Variants in RFC3 observed in about 807,000 individuals in gnomAD.
The protein encoded by RFC3 is replication factor C subunit 3.
Under a neutral mutation model 45.1 loss-of-function variants are expected in RFC3, and 41 were observed. The ratio of observed to expected loss-of-function variants is 0.91; its 90% CI spans 0.71 to 1.18. RFC3 has a LOEUF of 1.18. Ranked by LOEUF, RFC3 falls within the 50% of genes most tolerant of loss-of-function variation. RFC3 has a pLI of 0.00. For synonymous variants in RFC3, 149 were observed against 144.0 expected, an observed-to-expected ratio of 1.03 and a Z score of -0.25; for missense variants, 423 against 428.1, an observed-to-expected ratio of 0.99 and a Z score of 0.10.
At chr13:33,949,494 A>C (rs1201955015) in intron 8 of RFC3, among the ~76,000 whole-genome samples, 1 of 152,206 alleles carries the variant, frequency 6.6e-6, no homozygotes, top group East Asian at 1.9e-4. Flanking sequence ...ACAATAGTTT[A>C]TGTATTGGTT....
At chr13:33,949,120 T>A (rs555999121) in intron 8 of RFC3, among the ~76,000 whole-genome samples, 2 of 152,200 alleles carry the variant, frequency 1.3e-5, no homozygotes, top group African/African-American at 4.8e-5. Context: ...ACGTGTCAAG[T>A]GTGGGAACAG....
chr13:33,936,740 C>T (rs912300593), intron 8 of RFC3, among the ~76,000 whole-genome samples: 2 of 152,132 alleles, frequency 1.3e-5, no homozygotes, highest in African/African-American at 4.8e-5. Context: ...ATCTTGATCT[C>T]GGACTTCCTT....
At chr13:33,922,212 T>C (rs1456271151) in intron 8 of RFC3, among the ~76,000 whole-genome samples, 1 of 152,066 alleles carries the variant, frequency 6.6e-6, no homozygotes, top group Middle Eastern at 3.4e-3. Flanking sequence ...AGCAGCTTTA[T>C]TGGAACATAA....
chr13:33,826,507 T>A (rs1278395612), intron 4 of RFC3, among the ~76,000 whole-genome samples: 1 of 152,154 alleles, frequency 6.6e-6, no homozygotes, highest in African/African-American at 2.4e-5. Flanking sequence ...GATAAATTTT[T>A]CCTTTATTGC....
intron 8 of RFC3, among the ~76,000 whole-genome samples, chr13:33,894,390 TACCTC>T (rs1261235178): frequency 2.0e-5 from 3 of 152,194 alleles, no homozygotes; most frequent in Admixed American, 2.0e-4. Context: ...TTCCTGATCT[TACCTC>T]ACAGGAGACC....
intron 8 of RFC3, among the ~76,000 whole-genome samples, chr13:33,874,905 G>A (rs1394997403): frequency 2.6e-5 from 4 of 152,130 alleles, no homozygotes; most frequent in Non-Finnish European, 5.9e-5. Context: ...ACTAACCATG[G>A]GAAACATTGA....
intron 8 of RFC3, among the ~76,000 whole-genome samples, chr13:33,942,636 A>G (rs2082931854): frequency 6.6e-6 from 1 of 152,190 alleles, no homozygotes; most frequent in African/African-American, 2.4e-5. Context: ...TTATACCATA[A>G]TAAGTTTATA....
At chr13:33,927,570 A>G (rs1025978748) in intron 8 of RFC3, among the ~76,000 whole-genome samples, 2 of 152,108 alleles carry the variant, frequency 1.3e-5, no homozygotes, top group Non-Finnish European at 2.9e-5. Flanking sequence ...CTCATGTAGC[A>G]ATTAAGGCTT....
chr13:33,820,920 T>C (rs2139374867), intron 1 of RFC3, among the ~76,000 whole-genome samples: 1 of 148,234 alleles, frequency 6.7e-6, no homozygotes, highest in African/African-American at 2.4e-5. Flanking sequence ...TATTTATATA[T>C]ATATATATAT....
At chr13:33,887,428 G>A (rs1446925552) in intron 8 of RFC3, among the ~76,000 whole-genome samples, 2 of 152,048 alleles carry the variant, frequency 1.3e-5, no homozygotes, top group African/African-American at 2.4e-5. Flanking sequence ...CTGCATAAAT[G>A]TCTTCTTTTG....
At chr13:33,820,937 A>C (rs1033898226) in intron 1 of RFC3, among the ~76,000 whole-genome samples, 195 bp from the exon 2 acceptor site, 1 of 147,634 alleles carries the variant, frequency 6.8e-6, no homozygotes, top group African/African-American at 2.5e-5. Flanking sequence ...ATATATATAA[A>C]AGATACACAA....
intron 7 of RFC3, among the ~76,000 whole-genome samples, chr13:33,834,675 T>G (rs2082137081): frequency 6.6e-6 from 1 of 152,126 alleles, no homozygotes; most frequent in African/African-American, 2.4e-5. Flanking sequence ...TGTAATTGAC[T>G]TTTTAATCTT....
chr13:33,854,825 C>CAA (rs764156330), intron 8 of RFC3, among the ~76,000 whole-genome samples: 8 of 152,042 alleles, frequency 5.3e-5, no homozygotes, highest in Non-Finnish European at 1.2e-4. Context: ...GTGTCTATTT[C>CAA]AAGTTTGCAA....
intron 2 of RFC3, among the ~76,000 whole-genome samples, chr13:33,822,152 G>T: frequency 6.6e-6 from 1 of 152,158 alleles, no homozygotes; most frequent in East Asian, 1.9e-4. Flanking sequence ...AGTTTGAGAT[G>T]CTGGTTGTAT....
At chr13:33,898,063 C>T (rs1426629883) in intron 8 of RFC3, among the ~76,000 whole-genome samples, 1 of 151,874 alleles carries the variant, frequency 6.6e-6, no homozygotes, top group Non-Finnish European at 1.5e-5. Flanking sequence ...AAGTAGGGGA[C>T]TTTAACACCC....
chr13:33,860,319 AG>A (rs1396988747), intron 8 of RFC3, among the ~76,000 whole-genome samples: 1 of 151,448 alleles, frequency 6.6e-6, no homozygotes, highest in African/African-American at 2.4e-5. Context: ...CAAGGGAAGG[AG>A]GAGGATGGAG....
intron 8 of RFC3, among the ~76,000 whole-genome samples, chr13:33,843,093 A>G (rs552911814): frequency 6.6e-6 from 1 of 152,276 alleles, no homozygotes; most frequent in East Asian, 1.9e-4. Context: ...CAAAAAAACA[A>G]AAAAAACCTC....
chr13:33,892,233 A>G (rs143535280), intron 8 of RFC3, among the ~76,000 whole-genome samples: 126 of 152,310 alleles, frequency 8.3e-4, no homozygotes, highest in African/African-American at 2.9e-3. Context: ...AGGTAAGCTA[A>G]GCTTAACTAA....
intron 8 of RFC3, among the ~76,000 whole-genome samples, chr13:33,861,446 G>A (rs1053547154): frequency 2.0e-5 from 3 of 152,088 alleles, no homozygotes; most frequent in African/African-American, 7.2e-5. Flanking sequence ...TGGCCAACAT[G>A]CCGAAACTCT....
Sources: allele counts gnomAD v4.1 joint callset (sites outside exome capture counted in the v4.1 genomes callset), GRCh38; gene constraint gnomAD v4.1.1; transcripts MANE v1.5; gene names NCBI Gene and HGNC (gene_info 2026-07-23, HGNC 2026-07-21).